The following NRDC variants were observed in gnomAD, a reference collection of about 807,000 sequenced individuals.
NRDC encodes nardilysin convertase, also known as nardilysin.
In NRDC, 54 loss-of-function variants were observed where a neutral mutation model predicts 147.1. The ratio of observed to expected loss-of-function variants is 0.37; its 90% CI spans 0.29 to 0.46. The LOEUF is 0.46. NRDC is among the 20% of genes least tolerant of loss of function. The pLI is 1.00. For missense variants in NRDC, 1,082 were observed against 1,370.6 expected, an observed-to-expected ratio of 0.79 and a Z score of 3.33; for synonymous variants, 440 against 482.1, an observed-to-expected ratio of 0.91 and a Z score of 1.14.
At chr1:51,815,182 CTTT>C (rs869244434) in intron 11 of NRDC, among the ~76,000 whole-genome samples, 1 of 125,550 alleles carries the variant, frequency 8.0e-6, no homozygotes. Flanking sequence ...ACCTTTTTTT[CTTT>C]TTTTTTTTTT....
chr1:51,801,390 C>G (rs1194304889), intron 20 of NRDC: 2 of 152,268 alleles, frequency 1.3e-5, no homozygotes, highest in East Asian at 3.9e-4. Flanking sequence ...TATCCTCAAA[C>G]TCAAGTATTT....
chr1:51,855,153 C>A (rs1406844788), intron 1 of NRDC, among the ~76,000 whole-genome samples: 1 of 152,186 alleles, frequency 6.6e-6, no homozygotes, highest in Non-Finnish European at 1.5e-5. Context: ...GTGTAACCCT[C>A]CATGTATGGT....
chr1:51,815,478 A>G (rs1465359704), intron 11 of NRDC, among the ~76,000 whole-genome samples: 1 of 151,732 alleles, frequency 6.6e-6, no homozygotes, highest in Non-Finnish European at 1.5e-5. Context: ...GACTAGATTA[A>G]TTCTGAAAAA....
chr1:51,819,860 G>C lies in NRDC; in HGVS notation c.1231C>G (p.Pro411Ala), dbSNP rs745463893. 1 of 1,607,252 alleles carries C rather than the reference G, an allele frequency of 6.2e-7. No homozygotes were observed. The stretch of plus-strand genomic sequence containing the variant: ...GGATCCGTTAAATGGCCAAAGTTTG[G>C]TCTGGGTAACCCACTGAAAATAAAA... ...SQIPNNGLPR[P>A]NFGHLTDPFD... The change falls in exon 9 of 31, where the codon CCA becomes GCA. Residue 411 changes from proline to alanine, a missense_variant. Pro to Ala is a conservative substitution (Grantham distance 27). Coordinates refer to ENST00000352171, the MANE Select transcript of NRDC (RefSeq NM_001101662.2).
intron 6 of NRDC, among the ~76,000 whole-genome samples, chr1:51,824,510 A>G (rs1350175657): frequency 6.6e-6 from 1 of 152,076 alleles, no homozygotes; most frequent in Non-Finnish European, 1.5e-5. Context: ...GAAACAAAAC[A>G]CCCTTTAAAG....
At chr1:51,866,723 ATG>A (rs1682827727) in intron 1 of NRDC, among the ~76,000 whole-genome samples, 1 of 152,156 alleles carries the variant, frequency 6.6e-6, no homozygotes, top group South Asian at 2.1e-4. Context: ...GAGACATCTA[ATG>A]TGATACCTTT....
chr1:51,808,159 T>C (rs76028591), intron 17 of NRDC, among the ~76,000 whole-genome samples: 4,295 of 152,094 alleles, frequency 0.028, 205 homozygotes, highest in African/African-American at 0.099. Flanking sequence ...TCACATAACA[T>C]AAACTTAGCT....
chr1:51,792,248 T>G, intron 25 of NRDC, 129 bp downstream of exon 25: 2 of 1,320,156 alleles, frequency 1.5e-6, no homozygotes, highest in Non-Finnish European at 2.2e-6. Flanking sequence ...GTGAGAACAG[T>G]AAATGACCAT....
intron 14 of NRDC, 67 bp downstream of exon 14, chr1:51,813,968 G>A: frequency 7.8e-6 from 8 of 1,025,550 alleles, no homozygotes; most frequent in South Asian, 2.8e-5. Context: ...TCAAAAAGAG[G>A]AACAATGTCT....
chr1:51,873,038 G>A (rs2124140487), intron 1 of NRDC, among the ~76,000 whole-genome samples: 1 of 152,246 alleles, frequency 6.6e-6, no homozygotes, highest in African/African-American at 2.4e-5. Flanking sequence ...CAATATTTGT[G>A]TGTCTGTGTG....
intron 10 of NRDC, among the ~76,000 whole-genome samples, chr1:51,817,218 TA>T (rs1307712904): frequency 2.6e-5 from 4 of 152,216 alleles, no homozygotes; most frequent in Non-Finnish European, 5.9e-5. Flanking sequence ...CAACCTTGTT[TA>T]AAATATGAAT....
intron 27 of NRDC, 151 bp downstream of exon 27, chr1:51,791,427 C>T: frequency 1.5e-6 from 1 of 665,784 alleles, no homozygotes; most frequent in Non-Finnish European, 2.7e-6. Flanking sequence ...TGGAACAGAC[C>T]ATCTATAACA....
At chr1:51,865,663 T>G (rs72901952) in intron 1 of NRDC, among the ~76,000 whole-genome samples, 2,178 of 152,224 alleles carry the variant, frequency 0.014, 52 homozygotes, top group African/African-American at 0.05. Context: ...TATTCACAAC[T>G]AAATGATGCC....
intron 1 of NRDC, among the ~76,000 whole-genome samples, chr1:51,877,688 C>A (rs1683399375): frequency 6.6e-6 from 1 of 152,244 alleles, no homozygotes; most frequent in African/African-American, 2.4e-5. Flanking sequence ...ACTCACCCAA[C>A]TGAGACCTAA....
intron 1 of NRDC, among the ~76,000 whole-genome samples, chr1:51,877,303 T>C (rs1298133226): frequency 1.3e-5 from 2 of 152,230 alleles, no homozygotes; most frequent in East Asian, 3.8e-4. Context: ...GCAAACTCTT[T>C]GGGTCTCAAT....
In NRDC at chr1:51,790,941, C is replaced by T; in HGVS notation, c.3010G>A (p.Glu1004Lys). The change falls in exon 28 of 31, where the codon GAG becomes AAG. Residue 1004 changes from glutamate (E) to lysine (K), a missense_variant. This residue lies in a region of NRDC where 187 missense variants were observed against 193.6 expected (regional missense o/e 0.97). Coordinates refer to ENST00000352171, the MANE Select transcript of NRDC (RefSeq NM_001101662.2). ...TCTTCAGTGAGGTTCTCAATCTTCT[C>T]CTCAAAGCTAGAAAGAAACTCTTCT... ...KIEEFLSSFE[E>K]KIENLTEEAF... 1 of 1,613,914 alleles carries T rather than the reference C, an allele frequency of 6.2e-7. No homozygotes were observed. The highest frequency in any genetic ancestry group is 2.2e-5 in the East Asian group (1 of 44,856).
intron 6 of NRDC, among the ~76,000 whole-genome samples, chr1:51,824,649 A>G (rs1489969685): frequency 6.6e-6 from 1 of 152,228 alleles, no homozygotes; most frequent in Non-Finnish European, 1.5e-5. Context: ...AGTTTACTAG[A>G]TGAACAAAAT....
At chr1:51,870,767 T>C (rs1683044123) in intron 1 of NRDC, among the ~76,000 whole-genome samples, 1 of 152,108 alleles carries the variant, frequency 6.6e-6, no homozygotes, top group Non-Finnish European at 1.5e-5. Context: ...ATTATTATTA[T>C]GAATACAGAC....
chr1:51,799,505 A>G (rs1679087685), intron 21 of NRDC, among the ~76,000 whole-genome samples: 1 of 152,126 alleles, frequency 6.6e-6, no homozygotes, highest in Non-Finnish European at 1.5e-5. Flanking sequence ...AATTCTGGAA[A>G]CTGATGGGTT....
Sources: gnomAD v4.1 joint callset for allele counts (sites outside exome capture counted in the v4.1 genomes callset) on GRCh38, gnomAD v4.1.1 for gene constraint, gnomAD v4.1.1 regional missense constraint, MANE v1.5 for transcripts, NCBI Gene and HGNC (gene_info 2026-07-23, HGNC 2026-07-21) for gene names.